The following SAP30BP variants were observed in gnomAD, a reference collection of about 807,000 sequenced individuals.
SAP30BP encodes SAP30-binding protein.
Under a neutral mutation model 46.3 loss-of-function variants are expected in SAP30BP, and 31 were observed. That is an observed-to-expected ratio of 0.67 (90% CI 0.50 to 0.90). SAP30BP has a LOEUF of 0.90. SAP30BP is among the 40% of genes least tolerant of loss of function. The pLI, the probability that SAP30BP is intolerant of heterozygous loss-of-function variation, is 0.00. For missense variants in SAP30BP, 312 were observed against 391.0 expected (o/e 0.80, Z 1.70); for synonymous variants, 169 against 144.2 (o/e 1.17, Z -1.23).
At chr17:75,696,167 A>G (rs2060314380) in intron 4 of SAP30BP, among the ~76,000 whole-genome samples, 2 of 152,310 alleles carry the variant, frequency 1.3e-5, no homozygotes, top group African/African-American at 4.8e-5. Context: ...GGCAGCAGCC[A>G]CAGACCCAGC....
At chr17:75,686,063 C>T (rs2060151887) in intron 3 of SAP30BP, among the ~76,000 whole-genome samples, 2 of 152,196 alleles carry the variant, frequency 1.3e-5, no homozygotes, top group African/African-American at 2.4e-5. Context: ...CATCAGGAGC[C>T]GTGCTGAGTC....
chr17:75,688,928 ATTC>A (rs920557866), intron 3 of SAP30BP, among the ~76,000 whole-genome samples: 36 of 152,084 alleles, frequency 2.4e-4, no homozygotes, highest in Middle Eastern at 6.8e-3. Context: ...TGAGATCACT[ATTC>A]TTCTCCAGGG....
intron 3 of SAP30BP, among the ~76,000 whole-genome samples, chr17:75,673,914 A>C (rs2059944219): frequency 6.6e-6 from 1 of 152,152 alleles, no homozygotes; most frequent in Non-Finnish European, 1.5e-5. Context: ...ACTCATGTGC[A>C]TTTCAAGTTT....
chr17:75,685,973 G>A (rs2060150478), intron 3 of SAP30BP, among the ~76,000 whole-genome samples: 1 of 152,192 alleles, frequency 6.6e-6, no homozygotes, highest in Non-Finnish European at 1.5e-5. Flanking sequence ...GGAATAGTCG[G>A]ATAACAAAAG....
At chr17:75,672,101 AAGGC>A (rs1170171561) in intron 3 of SAP30BP, 4 of 510,176 alleles carry the variant, frequency 7.8e-6, no homozygotes, top group Non-Finnish European at 1.4e-5. Flanking sequence ...CCTGACTAGA[AAGGC>A]GAGAGGCCTG....
intron 3 of SAP30BP, among the ~76,000 whole-genome samples, chr17:75,688,727 G>C (rs940887052): frequency 6.6e-6 from 1 of 152,108 alleles, no homozygotes; most frequent in African/African-American, 2.4e-5. Flanking sequence ...GTCCAGTTTC[G>C]TGGGTCTATA....
At chr17:75,704,190 A>G (rs982627886) in intron 8 of SAP30BP, among the ~76,000 whole-genome samples, 1 of 152,214 alleles carries the variant, frequency 6.6e-6, no homozygotes, top group Non-Finnish European at 1.5e-5. Context: ...AACTGTGTTC[A>G]AGCTGAGGTT....
rs141168437 is a variant in SAP30BP at position 75,682,499 on chromosome 17, C to T, written c.264+10636C>T. ...GATTACGGGTGCAAGCCACTGCACC[C>T]GGCCTCATACAGCCATTTTTATTCT... is the stretch of plus-strand genomic sequence containing the variant. On this transcript the variant is annotated intron_variant, in intron 3 of 10. Coordinates refer to ENST00000584667, the MANE Select transcript of SAP30BP (RefSeq NM_013260.8). Among the ~76,000 whole-genome samples, 1,085 of 152,176 alleles carry T rather than the reference C, an allele frequency of 7.1e-3. 3 individuals carry two copies. Among genetic ancestry groups the T allele is most frequent in the Non-Finnish European group, 0.011 (730 of 67,994 alleles).
At chr17:75,700,664 G>A (rs2060395010) in intron 5 of SAP30BP, among the ~76,000 whole-genome samples, 1 of 152,218 alleles carries the variant, frequency 6.6e-6, no homozygotes, top group Non-Finnish European at 1.5e-5. Context: ...GACTGGGGGT[G>A]CAGCACAGAT....
chr17:75,673,206 C>T (rs913153271), intron 3 of SAP30BP, among the ~76,000 whole-genome samples: 2 of 151,984 alleles, frequency 1.3e-5, no homozygotes, highest in African/African-American at 2.4e-5. Flanking sequence ...AAAGTTTTGG[C>T]GCCAGCATGC....
At chr17:75,678,608 C>A (rs905814518) in intron 3 of SAP30BP, among the ~76,000 whole-genome samples, 1 of 152,198 alleles carries the variant, frequency 6.6e-6, no homozygotes, top group African/African-American at 2.4e-5. Context: ...AACTGACCAT[C>A]ACTTCCAGTT....
intron 8 of SAP30BP, 143 bp downstream of exon 8, chr17:75,704,002 A>G: frequency 1.4e-6 from 1 of 716,062 alleles, no homozygotes; most frequent in Non-Finnish European, 2.5e-6. Flanking sequence ...ACAGGCCTGA[A>G]TGAGACAGAC....
chr17:75,703,919 A>C, intron 8 of SAP30BP, 60 bp downstream of exon 8: 2 of 1,232,120 alleles, frequency 1.6e-6, no homozygotes, highest in South Asian at 2.4e-5. Flanking sequence ...CCCTTTATCC[A>C]GTCAGTTGGT....
At chr17:75,672,018 C>T in intron 3 of SAP30BP, 155 bp downstream of exon 3, 1 of 679,558 alleles carries the variant, frequency 1.5e-6, no homozygotes, top group South Asian at 1.7e-5. Flanking sequence ...AAAGAAAGAA[C>T]CTGGAGACAA....
rs1178867043 is a variant in SAP30BP at position 75,702,535 on chromosome 17, A to G, written c.452A>G (p.Tyr151Cys). ...RKIKEGMDMN[Y>C]IIQRKKEFRN... ...ATAAAGGAGGGAATGGATATGAACT[A>G]CATTATCCAAAGGAAGAAAGAATTT... Residue 151 changes from tyrosine (Y) to cysteine (C), a missense_variant, in exon 6 of 11, where the codon TAC (tyrosine) becomes TGC (cysteine). Transcript: ENST00000584667. 1.9e-6 allele frequency: 3 copies of G among 1,581,736 alleles called. No individual in the cohort carries two copies. The highest frequency in any genetic ancestry group is 1.1e-5 in the South Asian group (1 of 89,850).
intron 3 of SAP30BP, among the ~76,000 whole-genome samples, chr17:75,688,862 A>T (rs2060200567): frequency 6.6e-6 from 1 of 152,130 alleles, no homozygotes; most frequent in Non-Finnish European, 1.5e-5. Context: ...CCACTGACCT[A>T]CAGTTGCATC....
chr17:75,702,897 A>G (rs1210760396), intron 6 of SAP30BP: 2 of 304,192 alleles, frequency 6.6e-6, no homozygotes, highest in Non-Finnish European at 1.2e-5. Flanking sequence ...GGACTAGACA[A>G]TTACTGTAGG....
At chr17:75,681,696 C>T (rs556719106) in intron 3 of SAP30BP, among the ~76,000 whole-genome samples, 4 of 152,112 alleles carry the variant, frequency 2.6e-5, no homozygotes, top group Non-Finnish European at 4.4e-5. Flanking sequence ...GAACACAGAC[C>T]CAGAACACGG....
intron 1 of SAP30BP, chr17:75,668,068 G>C (rs2148360113): frequency 6.2e-6 from 1 of 160,968 alleles, no homozygotes; most frequent in Non-Finnish European, 1.4e-5. Context: ...CACAATGTTA[G>C]ATAATGGAAA....
Sources: allele counts gnomAD v4.1 joint callset (sites outside exome capture counted in the v4.1 genomes callset), GRCh38; gene constraint gnomAD v4.1.1; transcripts MANE v1.5; gene names NCBI Gene and HGNC (gene_info 2026-07-23, HGNC 2026-07-21).